IMPDH2: variants seen among roughly 807,000 people sequenced by gnomAD.
IMPDH2 encodes inosine monophosphate dehydrogenase 2, also known as inosine-5'-monophosphate dehydrogenase 2.
Under a neutral mutation model 57.8 loss-of-function variants are expected in IMPDH2, and 33 were observed. The observed-to-expected ratio is 0.57, with a 90% CI of 0.43 to 0.76. The LOEUF is 0.76. Ranked by LOEUF, IMPDH2 falls within the 30% of genes least tolerant of loss-of-function variation. The pLI, the probability that IMPDH2 is intolerant of heterozygous loss-of-function variation, is 0.00. For synonymous variants in IMPDH2, 270 were observed against 241.3 expected, an observed-to-expected ratio of 1.12 and a Z score of -1.10; for missense variants, 446 against 659.1, an observed-to-expected ratio of 0.68 and a Z score of 3.54.
intron 4 of IMPDH2, 89 bp downstream of exon 4, chr3:49,028,159 T>C (rs922935116): frequency 1.2e-4 from 134 of 1,114,918 alleles, no homozygotes; most frequent in Non-Finnish European, 1.7e-4. Flanking sequence ...GAAGAAAGAA[T>C]ACTAAATTAG....
intron 9 of IMPDH2, 26 bp downstream of exon 9, chr3:49,026,298 T>A (rs1220721540): frequency 6.6e-7 from 1 of 1,506,354 alleles, no homozygotes; most frequent in Non-Finnish European, 9.1e-7. Flanking sequence ...GGGGTCTCTG[T>A]GGGCCCTATC....
intron 3 of IMPDH2, 54 bp downstream of exon 3, chr3:49,028,377 T>C: frequency 1.2e-6 from 2 of 1,607,882 alleles, no homozygotes; most frequent in Non-Finnish European, 1.7e-6. Flanking sequence ...CTGAATGCCT[T>C]TGGGGAAAGG....
Position 49,026,368 on chromosome 3 carries a change from A to G in IMPDH2, c.962T>C (p.Leu321Pro). The G allele has an allele frequency of 6.2e-7, 1 of 1,613,704 alleles. No individual in the cohort carries two copies. Among genetic ancestry groups the G allele is most frequent in the South Asian group, 1.1e-5 (1 of 90,958 alleles). Residue 321 changes from leucine (L) to proline (P), a missense_variant, in exon 9 of 14, where the codon CTG (leucine) becomes CCG (proline). Physicochemically the swap from Leu to Pro is moderately conservative, Grantham distance 98 (BLOSUM62 -3). Coordinates refer to ENST00000326739, the MANE Select transcript of IMPDH2 (RefSeq NM_000884.3). ...GGAGCCACTTCCCATGCCCACCCGCAGGGCATCCACACCTGCATCAATGAG... is the reference window on the plus strand; with the variant it reads ...GGAGCCACTTCCCATGCCCACCCGCGGGGCATCCACACCTGCATCAATGAG... The part of the protein sequence containing the change: ...KNLIDAGVDA[L>P]RVGMGSGSIC...
intron 13 of IMPDH2, 29 bp downstream of exon 13, chr3:49,024,466 G>C (rs371597570): frequency 1.2e-6 from 2 of 1,613,884 alleles, no homozygotes; most frequent in Non-Finnish European, 1.7e-6. Context: ...AGGTATGGCA[G>C]AGGCCCCACC....
rs371762701 is a variant in IMPDH2 at position 49,027,052 on chromosome 3, G to A, written c.532-5C>T. The stretch of plus-strand genomic sequence containing the variant: ...GTCTTCCCTCTTTGTCATTATCTAC[G>A]TGGGAGGTGAGATGTGAAGAAGGGC... On this transcript the variant is annotated splice_polypyrimidine_tract_variant and splice_region_variant and intron_variant, in intron 5 of 13. Coordinates refer to ENST00000326739, the MANE Select transcript of IMPDH2 (RefSeq NM_000884.3). 4.6e-5 allele frequency: 74 copies of A among 1,605,476 alleles called. 1 individual carries two copies. The African/African-American group carries it at 6.9e-4, about 15-fold the overall frequency.
In IMPDH2 at chr3:49,028,263, T is replaced by A. The variant is rs758924957; in HGVS notation, c.309A>T (p.Glu103Asp). Reference sequence around the variant, plus strand: ...CCCTTCTGACCTTCACTTTCCGAACTTCATTGGCCTGGAATTCAGGTGTAC... The same window carrying A: ...CCCTTCTGACCTTCACTTTCCGAACATCATTGGCCTGGAATTCAGGTGTAC... ...HNCTPEFQAN[E>D]VRKVKKYEQG... is the part of the protein sequence containing the mutation. Residue 103 changes from glutamate to aspartate, a missense_variant, in exon 4 of 14, where the codon GAA (glutamate) becomes GAT (aspartate). Physicochemically the swap from Glu to Asp is conservative, Grantham distance 45. Coordinates refer to ENST00000326739, the MANE Select transcript of IMPDH2 (RefSeq NM_000884.3). The A allele has an allele frequency of 3.7e-6, 6 of 1,614,118 alleles. No homozygotes were observed. Among genetic ancestry groups the A allele is most frequent in the Non-Finnish European group, 4.2e-6 (5 of 1,179,974 alleles).
intron 11 of IMPDH2, 46 bp from the exon 12 acceptor site, chr3:49,024,848 G>T: frequency 6.2e-7 from 1 of 1,614,174 alleles, no homozygotes; most frequent in South Asian, 1.1e-5. Flanking sequence ...GCAGAGATGA[G>T]ACTGTCAGTG....
rs747105993 is a variant in IMPDH2 at position 49,026,309 on chromosome 3, A to C, written c.1006+15T>G. 63 of 1,574,436 alleles carry C rather than the reference A, an allele frequency of 4.0e-5. No homozygotes were observed. The highest frequency in any genetic ancestry group is 5.1e-5 in the Non-Finnish European group (59 of 1,150,812). On this transcript the variant is annotated intron_variant, in intron 9 of 13. Transcript: ENST00000326739. ...AACTGGGGTCTCTGTGGGCCCTATC[A>C]AAGTATATTCTTACCTTCCTGCGTA...
rs2093188477 is a variant in IMPDH2, at chr3:49,024,486, G to C, written c.1523+9C>G. ...TGGCAGAGGCCCCACCAAGGACAGG[G>C]TGACTTACGAATGGAGGCTATGGAC... On this transcript the variant is annotated intron_variant, in intron 13 of 13. Transcript: ENST00000326739. 3.1e-6 allele frequency: 5 copies of C among 1,614,188 alleles called. No individual in the cohort carries two copies. The highest frequency in any genetic ancestry group is 3.4e-6 in the Non-Finnish European group (4 of 1,179,998).
Position 49,026,881 on chromosome 3 carries a change from A to G in IMPDH2, c.625T>C (p.Leu209=), listed in dbSNP as rs1156495694. 3.1e-6 allele frequency: 5 copies of G among 1,614,226 alleles called. No individual in the cohort carries two copies. The South Asian group carries it at 4.4e-5, about 14-fold the overall frequency. Residue 209 remains leucine, a synonymous_variant, in exon 7 of 14, where the codon TTG becomes CTG. Transcript: ENST00000326739. ...TCATCATCTTCATTTACAATGGGCA[A>G]CTTTCCTGTGGTCAGGGCAGGACAT... ...EILQRSKKGK[L]PIVNEDDELV...
At chr3:49,026,492 A>G in intron 8 of IMPDH2, 27 bp downstream of exon 8, 1 of 1,604,206 alleles carries the variant, frequency 6.2e-7, no homozygotes. Flanking sequence ...CCCACCACAC[A>G]TCCTTCAGGG....
chr3:49,028,154 A>C, intron 4 of IMPDH2, 94 bp downstream of exon 4: 1 of 1,092,514 alleles, frequency 9.2e-7, no homozygotes, highest in East Asian at 2.4e-5. Flanking sequence ...GGTGGGAAGA[A>C]AGAATACTAA....
intron 1 of IMPDH2, 57 bp from the exon 2 acceptor site, chr3:49,028,863 C>T (rs1475828962): frequency 6.4e-5 from 88 of 1,370,740 alleles, no homozygotes; most frequent in Non-Finnish European, 8.7e-5. Context: ...CAGCATGAGA[C>T]TCCATCCCCA....
At chr3:49,028,725 G>T in intron 2 of IMPDH2, 33 bp downstream of exon 2, 1 of 1,582,706 alleles carries the variant, frequency 6.3e-7, no homozygotes, top group Non-Finnish European at 8.7e-7. Context: ...AGCTCACCTT[G>T]ATGTTCAGGA....
intron 1 of IMPDH2, chr3:49,029,025 G>T (rs1472464177): frequency 1.5e-6 from 1 of 646,202 alleles, no homozygotes; most frequent in Non-Finnish European, 2.8e-6. Context: ...AATTCCATGT[G>T]TCTGGAGCAT....
intron 4 of IMPDH2, 98 bp from the exon 5 acceptor site, chr3:49,028,014 C>T: frequency 9.9e-7 from 1 of 1,012,442 alleles, no homozygotes; most frequent in Non-Finnish European, 1.5e-6. Context: ...ATCCCTTTGG[C>T]AGTGCCACAA....
In IMPDH2 at chr3:49,026,757, A is replaced by G. The variant is rs767704477; in HGVS notation, c.749T>C (p.Ile250Thr). ...AKKQLLCGAA[I>T]GTHEDDKYRL... ...ATACTTGTCATCCTCATGAGTGCCA[A>G]TGGCTGCCCCACACAGCAGCTGTTT... Residue 250 changes from isoleucine (I) to threonine (T), a missense_variant, in exon 7 of 14, where the codon ATT becomes ACT. Ile to Thr is a moderately conservative substitution (Grantham distance 89). Coordinates refer to ENST00000326739, the MANE Select transcript of IMPDH2 (RefSeq NM_000884.3). The G allele has an allele frequency of 3.1e-6, 5 of 1,614,208 alleles. No homozygotes were observed. The highest frequency in any genetic ancestry group is 3.4e-6 in the Non-Finnish European group (4 of 1,180,038).
chr3:49,027,674 G>C (rs1384402900), intron 5 of IMPDH2, 36 bp downstream of exon 5: 1 of 1,563,152 alleles, frequency 6.4e-7, no homozygotes, highest in Middle Eastern at 1.7e-4. Flanking sequence ...AACCTGGGCT[G>C]CTAGAGCTTG....
At chr3:49,028,388 C>T in intron 3 of IMPDH2, 43 bp downstream of exon 3, 3 of 1,600,892 alleles carry the variant, frequency 1.9e-6, no homozygotes, top group South Asian at 1.1e-5. Flanking sequence ...TGGGGAAAGG[C>T]GATGGAGTCC....
Sources: allele counts gnomAD v4.1 joint callset, GRCh38; gene constraint gnomAD v4.1.1; transcripts MANE v1.5; gene names NCBI Gene and HGNC (gene_info 2026-07-23, HGNC 2026-07-21).